The following DGKD variants were observed in gnomAD, a reference collection of about 807,000 sequenced individuals.
DGKD encodes the protein DAG kinase delta.
In DGKD, 68 loss-of-function variants were observed where a neutral mutation model predicts 154.4. That is an observed-to-expected ratio of 0.44 (90% CI 0.36 to 0.54). DGKD has a LOEUF of 0.54. Among genes scored for constraint, DGKD ranks in the 20% least tolerant of loss-of-function variants. The pLI is 0.00. For synonymous variants in DGKD, 693 were observed against 638.0 expected (o/e 1.09, Z -1.30); for missense variants, 1,343 against 1,593.6 (o/e 0.84, Z 2.68).
At chr2:233,371,634 A>G (rs946681821) in intron 1 of DGKD, among the ~76,000 whole-genome samples, 12 of 152,204 alleles carry the variant, frequency 7.9e-5, no homozygotes, top group African/African-American at 2.4e-4. Flanking sequence ...ATTTATACCT[A>G]TGTTCTTCCA....
chr2:233,441,561 C>T lies in DGKD; in HGVS notation c.1086-326C>T, dbSNP rs970262109. On this transcript the variant is annotated intron_variant, in intron 9 of 29. Coordinates refer to ENST00000264057, the MANE Select transcript of DGKD (RefSeq NM_152879.3). The surrounding 1 kb of genome is among the most constrained non-coding windows in gnomAD (Gnocchi z 5.6). Reference sequence around the variant, plus strand: ...GCCACGGCAGGCTGTGCCCGTGAGCCTGGCAGGGGATGCAGTTTTGGCCCA... The same window carrying T: ...GCCACGGCAGGCTGTGCCCGTGAGCTTGGCAGGGGATGCAGTTTTGGCCCA... Among the ~76,000 whole-genome samples the T allele has an allele frequency of 6.6e-6, 1 of 152,202 alleles. No individual in the cohort carries two copies. The highest frequency in any genetic ancestry group is 1.5e-5 in the Non-Finnish European group (1 of 68,022).
rs371350652 is a variant in DGKD, at chr2:233,459,795, C to T, written c.2733C>T (p.Gly911=). The T allele has an allele frequency of 3.0e-5, 48 of 1,613,748 alleles. No individual in the cohort carries two copies. Among genetic ancestry groups the T allele is most frequent in the Admixed American group, 1.5e-4 (9 of 59,990 alleles). ...AGATCTCCATCCTTGGGGATGAGGG[C>T]GTGCCTGTGCAGGTGGACGGAGAGG... is the stretch of plus-strand genomic sequence containing the variant. ...TVKISILGDE[G]VPVQVDGEAW... is the part of the protein sequence containing the mutation. Residue 911 remains glycine, a synonymous_variant, in exon 23 of 30, where the codon GGC becomes GGT. Coordinates refer to ENST00000264057, the MANE Select transcript of DGKD (RefSeq NM_152879.3). This position sits in a 1 kb window ranked among gnomAD's most constrained non-coding sequence, Gnocchi z 5.7.
At position 233,441,844 on chromosome 2, in the gene DGKD, G is replaced by A; in HGVS notation, c.1086-43G>A. The A allele has an allele frequency of 2.5e-6, 4 of 1,577,396 alleles. No individual in the cohort carries two copies. The highest frequency in any genetic ancestry group is 2.6e-6 in the Non-Finnish European group (3 of 1,152,730). ...TACTGACAAGCCTGTCATTTGTCCTGTGGAATGGATGTCATTTCACGGCCT... is the reference window on the plus strand; with the variant it reads ...TACTGACAAGCCTGTCATTTGTCCTATGGAATGGATGTCATTTCACGGCCT... On this transcript the variant is annotated intron_variant, in intron 9 of 29. Coordinates refer to ENST00000264057, the MANE Select transcript of DGKD (RefSeq NM_152879.3). The surrounding 1 kb of genome is among the most constrained non-coding windows in gnomAD (Gnocchi z 5.6).
rs775012114 is a variant in DGKD, at chr2:233,459,751, G to A, written c.2695-6G>A. On this transcript the variant is annotated splice_region_variant and splice_polypyrimidine_tract_variant and intron_variant, in intron 22 of 29. Coordinates refer to ENST00000264057, the MANE Select transcript of DGKD (RefSeq NM_152879.3). This position sits in a 1 kb window ranked among gnomAD's most constrained non-coding sequence, Gnocchi z 5.7. Reference sequence around the variant, plus strand: ...AGCATGAGTAATGGCTATGATGTCTGCTCAGTGTCGCACGGTGAAGATCTC... The same window carrying A: ...AGCATGAGTAATGGCTATGATGTCTACTCAGTGTCGCACGGTGAAGATCTC... 1.9e-6 allele frequency: 3 copies of A among 1,613,212 alleles called. No homozygotes were observed. The Admixed American group carries it at 5.0e-5, about 27-fold the overall frequency.
intron 29 of DGKD, 67 bp from the exon 30 acceptor site, chr2:233,469,304 C>A: frequency 1.4e-6 from 2 of 1,392,918 alleles, no homozygotes; most frequent in Non-Finnish European, 2.0e-6. Context: ...TTGTGGCAGG[C>A]CTGCTGTGGA....
chr2:233,357,629 T>C (rs927352595), intron 1 of DGKD, among the ~76,000 whole-genome samples: 2 of 151,422 alleles, frequency 1.3e-5, no homozygotes, highest in African/African-American at 4.9e-5. Context: ...CTTTGCCTCC[T>C]GGGCTTAAGT....
chr2:233,431,183 C>T (rs1363241369), intron 3 of DGKD, among the ~76,000 whole-genome samples: 1 of 152,198 alleles, frequency 6.6e-6, no homozygotes, highest in Admixed American at 6.5e-5. Flanking sequence ...TATGTACCAA[C>T]AGTGCACAAT....
At chr2:233,427,337 CTTTTTT>C (rs35153949) in intron 3 of DGKD, among the ~76,000 whole-genome samples, 1 of 83,766 alleles carries the variant, frequency 1.2e-5, no homozygotes, top group Admixed American at 1.4e-4. Context: ...TATTGCCCTG[CTTTTTT>C]TTTTTTTTTT....
chr2:233,403,953 T>C (rs2061619708), intron 3 of DGKD, among the ~76,000 whole-genome samples: 1 of 152,156 alleles, frequency 6.6e-6, no homozygotes, highest in African/African-American at 2.4e-5. Context: ...CTTCAGACTT[T>C]TTAATAGGCA....
intron 16 of DGKD, 63 bp from the exon 17 acceptor site, chr2:233,450,859 C>T (rs2063260623): frequency 1.3e-6 from 2 of 1,549,378 alleles, no homozygotes; most frequent in Non-Finnish European, 1.8e-6. Flanking sequence ...TCGCTAAGGA[C>T]CCCCCAGGAT....
rs144513019 is a variant in DGKD, at chr2:233,414,054, G to C, written c.349-20326G>C. ...TAGATGAGGGAGGACAATTCCAGGA[G>C]GCTCTTGACCTTGTATATGATTCCC... On this transcript the variant is annotated intron_variant, in intron 3 of 29. Coordinates refer to ENST00000264057, the MANE Select transcript of DGKD (RefSeq NM_152879.3). 7.9e-5 allele frequency among the ~76,000 whole-genome samples: 12 copies of C among 152,278 alleles called. No individual in the cohort carries two copies. The East Asian group carries it at 2.3e-3, about 29-fold the overall frequency.
At chr2:233,427,336 G>C (rs1055092889) in intron 3 of DGKD, among the ~76,000 whole-genome samples, 2 of 113,632 alleles carry the variant, frequency 1.8e-5, no homozygotes, top group Non-Finnish European at 3.5e-5. Context: ...TTATTGCCCT[G>C]CTTTTTTTTT....
At position 233,437,599 on chromosome 2, in the gene DGKD, ACAG is replaced by A. The variant is rs1487837652; in HGVS notation, c.922+122_922+124del. The A allele has an allele frequency of 2.2e-5, 22 of 984,882 alleles. No homozygotes were observed. The East Asian group carries it at 5.5e-4, about 25-fold the overall frequency. 61.0% of individuals were successfully genotyped at this position (984,882 alleles called of 1,614,324 possible). A position where few individuals can be genotyped will look rare whatever the true frequency, so the allele number is the denominator to read the frequency against. ...GTGAGATGTCAGCAAGAGGTCAGGCACAGCTGTTGGGGGTGCTGGAGGAGTTGC... is the reference window on the plus strand; with the variant it reads ...GTGAGATGTCAGCAAGAGGTCAGGCACTGTTGGGGGTGCTGGAGGAGTTGC... On this transcript the variant is annotated intron_variant, in intron 8 of 29. Transcript: ENST00000264057.
At chr2:233,442,695 T>A (rs1178099693) in intron 10 of DGKD, 1 of 156,536 alleles carries the variant, frequency 6.4e-6, no homozygotes, top group Non-Finnish European at 1.4e-5. Context: ...AACCTCTGCC[T>A]CCCCGGTTCA....
intron 18 of DGKD, among the ~76,000 whole-genome samples, chr2:233,454,075 C>A (rs2063378080): frequency 6.6e-6 from 1 of 152,178 alleles, no homozygotes; most frequent in Admixed American, 6.5e-5. Flanking sequence ...GGGGAATAGT[C>A]CAGCAGCTCT....
At chr2:233,375,635 C>G (rs189193450) in intron 1 of DGKD, among the ~76,000 whole-genome samples, 7 of 152,110 alleles carry the variant, frequency 4.6e-5, no homozygotes, top group Non-Finnish European at 7.4e-5. Flanking sequence ...GAGGCTGCCT[C>G]TAGTCCAGGC....
At chr2:233,399,604 G>A (rs2061508802) in intron 3 of DGKD, among the ~76,000 whole-genome samples, 1 of 152,164 alleles carries the variant, frequency 6.6e-6, no homozygotes, top group African/African-American at 2.4e-5. Flanking sequence ...AGGTGCGCTG[G>A]GTGAGCAGCC....
Position 233,457,077 on chromosome 2 carries a change from C to A in DGKD, c.2472+82C>A. 7.4e-7 allele frequency: 1 copy of A among 1,358,400 alleles called. No homozygotes were observed. The highest frequency in any genetic ancestry group is 1.2e-5 in the South Asian group (1 of 85,106). The allele number at this position is 1,358,400 out of a possible 1,614,324, so 84.1% of individuals were successfully genotyped here. ...CAGGCCTATTGCTTCTCCTGTTGACCATTTCCTCCATGCACAGGGACTTGC... is the reference window on the plus strand; with the variant it reads ...CAGGCCTATTGCTTCTCCTGTTGACAATTTCCTCCATGCACAGGGACTTGC... On this transcript the variant is annotated intron_variant, in intron 20 of 29. Transcript: ENST00000264057. The surrounding 1 kb of genome is among the most constrained non-coding windows in gnomAD (Gnocchi z 5.5).
intron 1 of DGKD, among the ~76,000 whole-genome samples, chr2:233,383,290 T>C (rs1350949664): frequency 1.3e-5 from 2 of 152,124 alleles, no homozygotes; most frequent in East Asian, 3.9e-4. Context: ...ATCCACCTGC[T>C]TCGGCCTTCC....
Sources: allele counts gnomAD v4.1 joint callset (sites outside exome capture counted in the v4.1 genomes callset), GRCh38; gene constraint gnomAD v4.1.1; non-coding constraint Gnocchi (gnomAD v3.1); transcripts MANE v1.5; gene names NCBI Gene and HGNC (gene_info 2026-07-23, HGNC 2026-07-21).